NAALADL2: variants seen among roughly 807,000 people sequenced by gnomAD.
The protein encoded by NAALADL2 is N-acetylated alpha-linked acidic dipeptidase like 2.
NAALADL2 carries 76 observed loss-of-function variants against 87.2 expected under a neutral mutation model. The observed-to-expected ratio is 0.87, with a 90% CI of 0.72 to 1.05. NAALADL2 has a LOEUF of 1.05. Ranked by LOEUF, NAALADL2 falls within the 50% of genes least tolerant of loss-of-function variation. The pLI is 0.00. For synonymous variants in NAALADL2, 354 were observed against 331.0 expected (o/e 1.07, Z -0.75); for missense variants, 1,089 against 945.8 (o/e 1.15, Z -1.99).
At chr3:174,852,964 C>T (rs1057029398) in intron 3 of NAALADL2, among the ~76,000 whole-genome samples, 19 of 151,986 alleles carry the variant, frequency 1.3e-4, no homozygotes, top group Non-Finnish European at 2.4e-4. Context: ...GGGGAAAATA[C>T]AGTCTCTTCA....
chr3:175,146,691 G>A (rs1381136), intron 2 of NAALADL2, among the ~76,000 whole-genome samples: 68,990 of 151,900 alleles, frequency 0.45, 15,889 homozygotes, highest in African/African-American at 0.52. Context: ...ATTTTACTTC[G>A]TGATGCGTAT....
intron 4 of NAALADL2, among the ~76,000 whole-genome samples, chr3:175,279,232 G>C (rs1270273642): frequency 6.6e-6 from 1 of 152,056 alleles, no homozygotes; most frequent in African/African-American, 2.4e-5. Flanking sequence ...AGGGCAAGTG[G>C]GTATTTAATC....
At chr3:175,599,372 T>C (rs1054424312) in intron 10 of NAALADL2, among the ~76,000 whole-genome samples, 1 of 152,066 alleles carries the variant, frequency 6.6e-6, no homozygotes, top group Non-Finnish European at 1.5e-5. Flanking sequence ...TACTATAAAA[T>C]GAGTATCATG....
chr3:174,790,097 A>G (rs1468329333), intron 3 of NAALADL2, among the ~76,000 whole-genome samples: 2 of 152,166 alleles, frequency 1.3e-5, no homozygotes, highest in Non-Finnish European at 1.5e-5. Context: ...AGACAATTTT[A>G]TGCATTCCTG....
At chr3:175,277,947 C>T (rs57592866) in intron 4 of NAALADL2, among the ~76,000 whole-genome samples, 3,138 of 152,222 alleles carry the variant, frequency 0.021, 102 homozygotes, top group African/African-American at 0.072. Flanking sequence ...TGCATAAATG[C>T]TGCATAGTCC....
chr3:174,450,973 T>C (rs1486725408), intron 1 of NAALADL2, among the ~76,000 whole-genome samples: 1 of 151,950 alleles, frequency 6.6e-6, no homozygotes, highest in Non-Finnish European at 1.5e-5. Context: ...ATGAGACAAC[T>C]GAGTCAATTT....
intron 2 of NAALADL2, among the ~76,000 whole-genome samples, chr3:175,195,415 T>C (rs1337226797): frequency 6.6e-6 from 1 of 151,754 alleles, no homozygotes; most frequent in Non-Finnish European, 1.5e-5. Flanking sequence ...CATCCTGAGA[T>C]GGATCAGGTG....
intron 11 of NAALADL2, among the ~76,000 whole-genome samples, chr3:175,648,967 G>A (rs1041022863): frequency 6.6e-6 from 1 of 152,068 alleles, no homozygotes; most frequent in Non-Finnish European, 1.5e-5. Context: ...TTTTAATGCT[G>A]GTGAATATAT....
chr3:174,987,584 A>AT (rs1351610584), intron 1 of NAALADL2, among the ~76,000 whole-genome samples: 1,561 of 138,160 alleles, frequency 0.011, 117 homozygotes, highest in African/African-American at 0.044. Context: ...AAAAAAAAAA[A>AT]AAAAAAAAAA....
intron 10 of NAALADL2, among the ~76,000 whole-genome samples, chr3:175,597,821 A>G (rs1324312962): frequency 6.6e-6 from 1 of 152,060 alleles, no homozygotes; most frequent in African/African-American, 2.4e-5. Flanking sequence ...ATCTACATCT[A>G]TATTTATCTA....
chr3:175,131,364 A>C (rs1727824784), intron 2 of NAALADL2, among the ~76,000 whole-genome samples: 1 of 152,042 alleles, frequency 6.6e-6, no homozygotes, highest in Admixed American at 6.5e-5. Flanking sequence ...CTTAATGAGC[A>C]TGCTGCCTTC....
chr3:174,625,320 A>C (rs1039256692), intron 2 of NAALADL2, among the ~76,000 whole-genome samples: 3 of 152,090 alleles, frequency 2.0e-5, no homozygotes, highest in East Asian at 1.9e-4. Context: ...AGCCTCCCAA[A>C]GTGTTAGTAC....
At chr3:174,842,020 A>G (rs16864945) in intron 3 of NAALADL2, among the ~76,000 whole-genome samples, 24,855 of 149,382 alleles carry the variant, frequency 0.17, 2,447 homozygotes, top group African/African-American at 0.27. Context: ...TTCATTTTAT[A>G]TTTCCATGAT....
At chr3:174,452,559 C>T (rs541677390) in intron 1 of NAALADL2, among the ~76,000 whole-genome samples, 1 of 152,146 alleles carries the variant, frequency 6.6e-6, no homozygotes, top group African/African-American at 2.4e-5. Context: ...TTAGCCCCAA[C>T]CCCCGCCCAC....
intron 6 of NAALADL2, among the ~76,000 whole-genome samples, chr3:175,458,670 G>C (rs1211004450): frequency 6.6e-6 from 1 of 151,050 alleles, no homozygotes; most frequent in Non-Finnish European, 1.5e-5. Flanking sequence ...CTTTTCTCTA[G>C]CAGTTAGAAA....
At chr3:175,307,696 T>C (rs1313709729) in intron 4 of NAALADL2, among the ~76,000 whole-genome samples, 1 of 152,202 alleles carries the variant, frequency 6.6e-6, no homozygotes, top group Admixed American at 6.5e-5. Flanking sequence ...AATTTCATTT[T>C]TAATTAGAAT....
At chr3:174,823,662 AAACTT>A (rs1270034623) in intron 3 of NAALADL2, among the ~76,000 whole-genome samples, 1 of 152,194 alleles carries the variant, frequency 6.6e-6, no homozygotes, top group Non-Finnish European at 1.5e-5. Context: ...TAAGGAAAGA[AAACTT>A]AATATTCTCT....
chr3:175,258,385 A>C (rs1750445394), intron 4 of NAALADL2, among the ~76,000 whole-genome samples: 1 of 151,560 alleles, frequency 6.6e-6, no homozygotes, highest in South Asian at 2.1e-4. Flanking sequence ...GTCTCATTTC[A>C]GATCCCGTCT....
intron 4 of NAALADL2, among the ~76,000 whole-genome samples, chr3:175,289,884 C>G (rs1035074739): frequency 2.6e-4 from 39 of 151,986 alleles, no homozygotes; most frequent in Non-Finnish European, 5.1e-4. Flanking sequence ...GGACTTATAT[C>G]CAGAATACAA....
Sources: allele counts gnomAD v4.1 joint callset (sites outside exome capture counted in the v4.1 genomes callset), GRCh38; gene constraint gnomAD v4.1.1; transcripts MANE v1.5; gene names NCBI Gene and HGNC (gene_info 2026-07-23, HGNC 2026-07-21).